Variants in ZNF33B observed in about 807,000 individuals in gnomAD.
ZNF33B encodes zinc finger protein 11b (KOX 2).
Under a neutral mutation model 45.8 loss-of-function variants are expected in ZNF33B, and 29 were observed. That is an observed-to-expected ratio of 0.63 (90% CI 0.47 to 0.86). ZNF33B has a LOEUF of 0.86. Ranked by LOEUF, ZNF33B falls within the 40% of genes least tolerant of loss-of-function variation. The probability of loss-of-function intolerance (pLI) is 0.00; values close to 1 mark genes in which losing one functional copy is unlikely to be tolerated. For missense variants in ZNF33B, 831 were observed against 909.9 expected, an observed-to-expected ratio of 0.91 and a Z score of 1.12; for synonymous variants, 305 against 307.8, an observed-to-expected ratio of 0.99 and a Z score of 0.10.
chr10:42,604,961 A>G (rs150656011), intron 4 of ZNF33B, among the ~76,000 whole-genome samples: 1 of 152,068 alleles, frequency 6.6e-6, no homozygotes, highest in East Asian at 1.9e-4. Context: ...TGTAGCTGGC[A>G]AAATAATCAG....
At chr10:42,605,796 A>G (rs965674519) in intron 4 of ZNF33B, among the ~76,000 whole-genome samples, 7 of 152,216 alleles carry the variant, frequency 4.6e-5, no homozygotes, top group Non-Finnish European at 7.3e-5. Context: ...GAAATGCAAT[A>G]TATTTAACAA....
rs1589020724 is a variant in ZNF33B at position 42,592,510 on chromosome 10, T to C, written c.*103A>G. The stretch of plus-strand genomic sequence containing the variant: ...GAGTAACATAAGGCGAGTTTGTGGA[T>C]AGTTATTGAACATTCAGGATGTCAA... On this transcript the variant is annotated 3_prime_UTR_variant, in exon 5 of 5. Transcript: ENST00000359467. 3.5e-6 allele frequency: 5 copies of C among 1,438,958 alleles called. No homozygotes were observed. The highest frequency in any genetic ancestry group is 2.3e-5 in the East Asian group (1 of 43,778). 89.1% of individuals were successfully genotyped at this position (1,438,958 alleles called of 1,614,324 possible).
intron 1 of ZNF33B, chr10:42,583,478 G>C (rs1836864091): frequency 3.9e-6 from 1 of 256,436 alleles, no homozygotes; most frequent in South Asian, 4.7e-5. Flanking sequence ...TATCTTCAAA[G>C]AAGTTGAGAG....
chr10:42,582,246 T>C (rs1378357572), intron 1 of ZNF33B: 2 of 152,236 alleles, frequency 1.3e-5, no homozygotes, highest in African/African-American at 4.8e-5. Context: ...CCTTATCTAG[T>C]ACTGTGTCTG....
chr10:42,600,650 AC>A (rs1837579894), intron 4 of ZNF33B, among the ~76,000 whole-genome samples: 1 of 152,148 alleles, frequency 6.6e-6, no homozygotes, highest in Admixed American at 6.6e-5. Flanking sequence ...GGTGTTATAT[AC>A]CATTTATATT....
chr10:42,610,083 GAA>G (rs916226580), intron 4 of ZNF33B, among the ~76,000 whole-genome samples: 1 of 146,944 alleles, frequency 6.8e-6, no homozygotes, highest in African/African-American at 2.5e-5. Flanking sequence ...AATTCAGATT[GAA>G]AAAAAAAAGT....
Position 42,620,803 on chromosome 10 carries a change from C to T in ZNF33B, c.250+11126G>A, listed in dbSNP as rs557472797. 2.0e-5 allele frequency among the ~76,000 whole-genome samples: 3 copies of T among 151,970 alleles called. No individual in the cohort carries two copies. In the South Asian group the frequency reaches 6.2e-4, roughly 32 times the overall value. On this transcript the variant is annotated intron_variant, in intron 4 of 4. Transcript: ENST00000359467. Reference sequence around the variant, plus strand: ...ACTGAAAGGCTGATAAAAGATATTCCATGAAAATAGCCACCAAAAGAGAAC... The same window carrying T: ...ACTGAAAGGCTGATAAAAGATATTCTATGAAAATAGCCACCAAAAGAGAAC...
At chr10:42,598,348 G>C (rs1376170042) in intron 4 of ZNF33B, among the ~76,000 whole-genome samples, 1 of 152,248 alleles carries the variant, frequency 6.6e-6, no homozygotes, top group African/African-American at 2.4e-5. Context: ...CACGCTGTGG[G>C]TCCTCTCTGG....
At chr10:42,598,543 C>T (rs1285324531) in intron 4 of ZNF33B, among the ~76,000 whole-genome samples, 1 of 152,222 alleles carries the variant, frequency 6.6e-6, no homozygotes, top group Non-Finnish European at 1.5e-5. Flanking sequence ...TCAGACTTCA[C>T]ATACAAATCA....
chr10:42,609,336 C>T (rs1194172551), intron 4 of ZNF33B, among the ~76,000 whole-genome samples: 1 of 152,042 alleles, frequency 6.6e-6, no homozygotes. Context: ...GGAAAATTGC[C>T]TGAGCCTGGG....
At chr10:42,611,878 A>G (rs1437800908) in intron 4 of ZNF33B, among the ~76,000 whole-genome samples, 1 of 152,196 alleles carries the variant, frequency 6.6e-6, no homozygotes, top group African/African-American at 2.4e-5. Flanking sequence ...TCCTTAGGCA[A>G]TCATGCCTGT....
At chr10:42,615,013 A>C (rs776461356) in intron 4 of ZNF33B, among the ~76,000 whole-genome samples, 1 of 152,152 alleles carries the variant, frequency 6.6e-6, no homozygotes, top group Non-Finnish European at 1.5e-5. Context: ...AAAAACCACA[A>C]TGAGATACCT....
chr10:42,614,553 T>C (rs1014429953), intron 4 of ZNF33B, among the ~76,000 whole-genome samples: 2 of 152,250 alleles, frequency 1.3e-5, no homozygotes, highest in African/African-American at 4.8e-5. Flanking sequence ...ACTGGGTTAA[T>C]GGCAATTCTC....
At chr10:42,607,953 C>T (rs894282490) in intron 4 of ZNF33B, among the ~76,000 whole-genome samples, 24 of 152,086 alleles carry the variant, frequency 1.6e-4, no homozygotes, top group Admixed American at 9.2e-4. Flanking sequence ...AAAGTCCAAA[C>T]ATGTGCTATC....
intron 4 of ZNF33B, among the ~76,000 whole-genome samples, chr10:42,607,281 A>C (rs1467167535): frequency 1.3e-5 from 2 of 152,054 alleles, no homozygotes; most frequent in South Asian, 2.1e-4. Context: ...AAAGAGACAT[A>C]GTAATTTTAA....
At chr10:42,638,148 CGCCCTAGCACATGG>C (rs1839417636) in intron 1 of ZNF33B, among the ~76,000 whole-genome samples, 1 of 152,256 alleles carries the variant, frequency 6.6e-6, no homozygotes, top group African/African-American at 2.4e-5. Context: ...GGTAGGGCCG[CGCCCTAGCACATGG>C]GCGTAAACAC....
chr10:42,626,196 G>C (rs1838799031), intron 4 of ZNF33B, among the ~76,000 whole-genome samples: 1 of 152,066 alleles, frequency 6.6e-6, no homozygotes, highest in Non-Finnish European at 1.5e-5. Context: ...TCTGAATGTT[G>C]AACCAGGCTT....
Position 42,594,307 on chromosome 10 carries a change from A to G in ZNF33B, c.643T>C (p.Leu215=), listed in dbSNP as rs1459525409. ...ATACTGTATTCAAAATTGTGGTCTA[A>G]AGTTTGAATCTTCTCATGCTGCAAA... ...NTLQHEKIQT[L]DHNFEYSICQ... Residue 215 remains leucine, a synonymous_variant, in exon 5 of 5, where the codon TTA becomes CTA. Coordinates refer to ENST00000359467, the MANE Select transcript of ZNF33B (RefSeq NM_006955.3). 2 of 1,613,874 alleles carry G rather than the reference A, an allele frequency of 1.2e-6. No individual in the cohort carries two copies. The highest frequency in any genetic ancestry group is 3.3e-5 in the Admixed American group (2 of 60,008).
At chr10:42,586,110 G>GT (rs1836929518), downstream of ZNF33B, among the ~76,000 whole-genome samples, 1 of 148,016 alleles carries the variant, frequency 6.8e-6, no homozygotes, top group Non-Finnish European at 1.5e-5. Flanking sequence ...CAAACCCACT[G>GT]TTTACTTCCA....
Sources: gnomAD v4.1 joint callset for allele counts (sites outside exome capture counted in the v4.1 genomes callset) on GRCh38, gnomAD v4.1.1 for gene constraint, MANE v1.5 for transcripts, NCBI Gene and HGNC (gene_info 2026-07-23, HGNC 2026-07-21) for gene names.